Variants in PGM2 observed in about 807,000 individuals in gnomAD.
PGM2 encodes phosphopentomutase.
Under a neutral mutation model 74.6 loss-of-function variants are expected in PGM2, and 57 were observed. The ratio of observed to expected loss-of-function variants is 0.76; its 90% CI spans 0.62 to 0.95. The LOEUF (loss-of-function observed/expected upper bound fraction) is 0.95. PGM2 is among the 40% of genes least tolerant of loss of function. The pLI is 0.00. For synonymous variants in PGM2, 273 were observed against 260.7 expected (o/e 1.05, Z -0.46); for missense variants, 706 against 741.9 (o/e 0.95, Z 0.56).
Position 37,856,569 on chromosome 4 carries a change from CA to C in PGM2, c.1736+834del, listed in dbSNP as rs201481551. Reference sequence around the variant, plus strand: ...CTTCAGGTTCAAGTTTCTGTGACCTCAAAAAAGTGTTTGAGTTGGTCACTCT... The same window carrying C: ...CTTCAGGTTCAAGTTTCTGTGACCTCAAAAAGTGTTTGAGTTGGTCACTCT... On this transcript the variant is annotated intron_variant, in intron 13 of 13. Transcript: ENST00000381967. 2.7e-5 allele frequency among the ~76,000 whole-genome samples: 4 copies of C among 145,758 alleles called. 1 individual carries two copies. In the South Asian group the frequency reaches 6.5e-4, roughly 24 times the overall value.
intron 13 of PGM2, among the ~76,000 whole-genome samples, chr4:37,860,420 C>T (rs1711734380): frequency 6.6e-6 from 1 of 152,164 alleles, no homozygotes; most frequent in Admixed American, 6.6e-5. Context: ...TGTACAGAAA[C>T]TCTCTTGAGA....
Position 37,826,785 on chromosome 4 carries a change from A to T in PGM2, c.53A>T (p.Glu18Val). 2.6e-6 allele frequency: 4 copies of T among 1,549,068 alleles called. No homozygotes were observed. The highest frequency in any genetic ancestry group is 3.5e-6 in the Non-Finnish European group (4 of 1,145,948). Residue 18 changes from glutamate (E) to valine (V), a missense_variant, in exon 1 of 14, where the codon GAG (glutamate) becomes GTG (valine). Transcript: ENST00000381967. ...GGCGAGGACGCCCGGCTGGACCAGG[A>T]GACCGCCCAGTGGCTGCGCTGGGAC... ...GLGEDARLDQ[E>V]TAQWLRWDKN...
At chr4:37,842,201 A>G (rs1025548668) in intron 6 of PGM2, among the ~76,000 whole-genome samples, 16 of 126,168 alleles carry the variant, frequency 1.3e-4, no homozygotes, top group Admixed American at 3.4e-4. Flanking sequence ...TGCATATACT[A>G]TATATATAAA....
In PGM2 at chr4:37,834,633, C is replaced by A; in HGVS notation, c.265C>A (p.Leu89Met). 1 of 1,576,440 alleles carries A rather than the reference C, an allele frequency of 6.3e-7. No individual in the cohort carries two copies. The highest frequency in any genetic ancestry group is 1.1e-5 in the South Asian group (1 of 88,894). The change falls in exon 3 of 14, where the codon CTG becomes ATG. Residue 89 changes from leucine (L) to methionine (M), a missense_variant. Leu to Met is a conservative substitution (Grantham distance 15). Coordinates refer to ENST00000381967, the MANE Select transcript of PGM2 (RefSeq NM_018290.4). The stretch of plus-strand genomic sequence containing the variant: ...GTATTTGTAGGGATTTTGCAGATAC[C>A]TGGAAAAACAATTCAGTGACTTAAA... ...IQTTQGFCRYLEKQFSDLKQK... is the reference protein window; with the variant it reads ...IQTTQGFCRYMEKQFSDLKQK...
intron 12 of PGM2, among the ~76,000 whole-genome samples, chr4:37,853,145 A>G (rs1254050943): frequency 2.0e-5 from 3 of 152,034 alleles, no homozygotes; most frequent in Non-Finnish European, 4.4e-5. Context: ...TATTAAAAAT[A>G]GTGTCCTGTT....
Position 37,840,217 on chromosome 4 carries a change from A to G in PGM2, c.677A>G (p.Asn226Ser), listed in dbSNP as rs749315628. ...CTCCACAATCCGAGTGCTTCCATCA[A>G]TAATGACTACTTTGAAGACCTTAAA... is the stretch of plus-strand genomic sequence containing the variant. ...PLLHNPSASI[N>S]NDYFEDLKKY... The change falls in exon 6 of 14, where the codon AAT (asparagine) becomes AGT (serine). Residue 226 changes from asparagine (N) to serine (S), a missense_variant. This residue lies in a region of PGM2 where 332 missense variants were observed against 334.9 expected (regional missense o/e 0.99). Coordinates refer to ENST00000381967, the MANE Select transcript of PGM2 (RefSeq NM_018290.4). 8 of 1,612,842 alleles carry G rather than the reference A, an allele frequency of 5.0e-6. No homozygotes were observed. The East Asian group carries it at 8.9e-5, about 18-fold the overall frequency.
At chr4:37,833,523 T>C (rs1725489347) in intron 2 of PGM2, among the ~76,000 whole-genome samples, 1 of 152,178 alleles carries the variant, frequency 6.6e-6, no homozygotes, top group South Asian at 2.1e-4. Flanking sequence ...ATCGTGTCAC[T>C]GCACTCCAGC....
intron 3 of PGM2, among the ~76,000 whole-genome samples, chr4:37,834,999 A>T (rs2714557): frequency 0.33 from 50,664 of 152,054 alleles, 11,165 homozygotes; most frequent in African/African-American, 0.63. Context: ...TTGCCTTTTT[A>T]TACATAATTT....
chr4:37,848,691 TG>T (rs35704131), intron 11 of PGM2, 40 bp downstream of exon 11: 805,359 of 1,493,682 alleles, frequency 0.54, 227,607 homozygotes, highest in Non-Finnish European at 0.59. Flanking sequence ...AATAATATTT[TG>T]AAATGTTCTA....
Position 37,840,258 on chromosome 4 carries a change from A to G in PGM2, c.718A>G (p.Arg240Gly), listed in dbSNP as rs201966949. 3 of 1,579,706 alleles carry G rather than the reference A, an allele frequency of 1.9e-6. No homozygotes were observed. The highest frequency in any genetic ancestry group is 2.2e-5 in the East Asian group (1 of 44,712). Residue 240 changes from arginine to glycine, a missense_variant and splice_region_variant, in exon 6 of 14, where the codon AGG becomes GGG. By Grantham distance (125) the Arg-to-Gly change is moderately radical (BLOSUM62 -2). Around this residue, in one of 3 missense-constraint regions of PGM2, gnomAD observed 332 missense variants for 334.9 expected, o/e 0.99. Coordinates refer to ENST00000381967, the MANE Select transcript of PGM2 (RefSeq NM_018290.4). ...FEDLKKYCFH[R>G]SVNRETKVKF... ...AGACCTTAAAAAGTACTGTTTCCAC[A>G]GGTAAATGAATTGTGTCTTCACTGA...
chr4:37,830,205 A>C (rs971518912), intron 2 of PGM2, 74 bp downstream of exon 2: 106 of 1,079,112 alleles, frequency 9.8e-5, no homozygotes, highest in Non-Finnish European at 1.3e-4. Flanking sequence ...GACCTAATTT[A>C]TTCTAATTAT....
chr4:37,827,683 T>G (rs961214678), intron 1 of PGM2, among the ~76,000 whole-genome samples: 1 of 152,082 alleles, frequency 6.6e-6, no homozygotes, highest in Non-Finnish European at 1.5e-5. Context: ...CCTTTATAGC[T>G]CTTACTACAA....
At chr4:37,854,249 A>T (rs1034597398) in intron 12 of PGM2, among the ~76,000 whole-genome samples, 1 of 152,198 alleles carries the variant, frequency 6.6e-6, no homozygotes, top group Non-Finnish European at 1.5e-5. Context: ...TTTGGGACCT[A>T]TCAAATATAA....
chr4:37,835,257 C>T (rs1035465147), intron 3 of PGM2, among the ~76,000 whole-genome samples: 7 of 152,046 alleles, frequency 4.6e-5, no homozygotes, highest in Non-Finnish European at 8.8e-5. Flanking sequence ...ATCTCTTTAC[C>T]CTGAGATTAT....
chr4:37,847,135 C>T, intron 9 of PGM2, 24 bp downstream of exon 9: 1 of 1,604,932 alleles, frequency 6.2e-7, no homozygotes, highest in Non-Finnish European at 8.5e-7. Context: ...GGGACTCACT[C>T]ATTTTCCTTT....
intron 11 of PGM2, among the ~76,000 whole-genome samples, chr4:37,849,831 G>A (rs1190068538): frequency 6.6e-6 from 1 of 151,938 alleles, no homozygotes; most frequent in Admixed American, 6.6e-5. Context: ...TCGTTGCCCA[G>A]GCTAGAGTGC....
At chr4:37,852,225 C>T (rs1267289158) in intron 12 of PGM2, among the ~76,000 whole-genome samples, 1 of 150,152 alleles carries the variant, frequency 6.7e-6, no homozygotes, top group Non-Finnish European at 1.5e-5. Context: ...CTTAGCCTCC[C>T]AAAGTACTGG....
chr4:37,826,995 C>T (rs1465890921), intron 1 of PGM2, among the ~76,000 whole-genome samples, 182 bp downstream of exon 1: 2 of 152,252 alleles, frequency 1.3e-5, no homozygotes, highest in Non-Finnish European at 2.9e-5. Flanking sequence ...CGGCATGCGG[C>T]ACGTTCAGAG....
Position 37,850,297 on chromosome 4 carries a change from CT to C in PGM2, c.1528del (p.Cys510ValfsTer35), listed in dbSNP as rs1726002106. 6.3e-7 allele frequency: 1 copy of C among 1,590,992 alleles called. No individual in the cohort carries two copies. On this transcript the variant is annotated frameshift_variant, in exon 12 of 14. Coordinates refer to ENST00000381967, the MANE Select transcript of PGM2 (RefSeq NM_018290.4). LOFTEE classifies it high-confidence loss of function. Reference sequence around the variant, plus strand: ...GATGGAAAAAATAATTATCCAAAAGCTTGTGGCAAATTTGAAATTTCTGCCA... The same window carrying C: ...GATGGAAAAAATAATTATCCAAAAGCTGTGGCAAATTTGAAATTTCTGCCA... ...NYDGKNNYPK[A>X]CGKFEISAIR...
Sources: allele counts gnomAD v4.1 joint callset (sites outside exome capture counted in the v4.1 genomes callset), GRCh38; gene constraint gnomAD v4.1.1; regional missense constraint gnomAD v4.1.1; transcripts MANE v1.5; gene names NCBI Gene and HGNC (gene_info 2026-07-23, HGNC 2026-07-21).